TELO2: variants seen among roughly 807,000 people sequenced by gnomAD.
TELO2 encodes the protein telomere length regulation protein TEL2 homolog.
TELO2 carries 71 observed loss-of-function variants against 91.0 expected under a neutral mutation model. That is an observed-to-expected ratio of 0.78 (90% CI 0.64 to 0.95). The LOEUF is 0.95. TELO2 is among the 40% of genes least tolerant of loss of function. TELO2 has a pLI of 0.00. For synonymous variants in TELO2, 584 were observed against 518.9 expected, an observed-to-expected ratio of 1.13 and a Z score of -1.71; for missense variants, 1,183 against 1,141.3, an observed-to-expected ratio of 1.04 and a Z score of -0.53.
chr16:1,494,390 C>T lies in TELO2; in HGVS notation c.109C>T (p.Arg37Trp), dbSNP rs1466279011. The part of the protein sequence containing the change: ...HIFCTLESLK[R>W]YLGEMEPPAL... ...CTTCTGCACCCTGGAGTCCCTGAAG[C>T]GGTATCTCGGTGAGATGGAGCCTCC... The change falls in exon 2 of 21, where the codon CGG (arginine) becomes TGG (tryptophan). Residue 37 changes from arginine to tryptophan, a missense_variant. Coordinates refer to ENST00000262319, the MANE Select transcript of TELO2 (RefSeq NM_016111.4). This position sits in a 1 kb window ranked among gnomAD's most constrained non-coding sequence, Gnocchi z 5.6. 5.0e-5 allele frequency: 80 copies of T among 1,613,450 alleles called. 1 individual carries two copies. Among genetic ancestry groups the T allele is most frequent in the Non-Finnish European group, 6.4e-5 (75 of 1,180,002 alleles).
At chr16:1,506,084 T>G in intron 16 of TELO2, 154 bp from the exon 17 acceptor site, 3 of 773,544 alleles carry the variant, frequency 3.9e-6, no homozygotes, top group Non-Finnish European at 6.2e-6. Flanking sequence ...ACCAACCCCA[T>G]GGGGCCTGGG....
rs1363926087 is a variant in TELO2, at chr16:1,509,846, C to T, written c.2424C>T (p.Asp808=). The change falls in exon 21 of 21, where the codon GAC becomes GAT. Residue 808 remains aspartate, a synonymous_variant. Coordinates refer to ENST00000262319, the MANE Select transcript of TELO2 (RefSeq NM_016111.4). ...GTCTGGCAGACGTGGCTGAGAAAGA[C>T]CCGGACGAGGACTGCAGGACGCTGG... ...RSWLADVAEK[D]PDEDCRTLAL... 1 of 1,612,256 alleles carries T rather than the reference C, an allele frequency of 6.2e-7. No individual in the cohort carries two copies. The highest frequency in any genetic ancestry group is 8.5e-7 in the Non-Finnish European group (1 of 1,179,698).
rs1420468505 is a variant in TELO2, at chr16:1,505,440, A to C, written c.1873A>C (p.Arg625=). 1.2e-6 allele frequency: 2 copies of C among 1,612,870 alleles called. No individual in the cohort carries two copies. The highest frequency in any genetic ancestry group is 1.3e-5 in the African/African-American group (1 of 74,924). Residue 625 remains arginine, a synonymous_variant, in exon 16 of 21, where the codon AGG becomes CGG. Coordinates refer to ENST00000262319, the MANE Select transcript of TELO2 (RefSeq NM_016111.4). This position sits in a 1 kb window ranked among gnomAD's most constrained non-coding sequence, Gnocchi z 4.3. ...GACTCTGGCTGCCCAGGAGCTGTCTAGGCCTGGGTGCCTCGGGAGGACTCC... is the reference window on the plus strand; with the variant it reads ...GACTCTGGCTGCCCAGGAGCTGTCTCGGCCTGGGTGCCTCGGGAGGACTCC... The part of the protein sequence containing the change: ...VLTLAAQELS[R]PGCLGRTPQP...
chr16:1,496,559 C>T (rs1174037396), intron 3 of TELO2, among the ~76,000 whole-genome samples: 3 of 152,336 alleles, frequency 2.0e-5, no homozygotes, highest in Admixed American at 6.5e-5. Flanking sequence ...CTGTGCTTTC[C>T]GCTGCCCCGC....
chr16:1,504,774 G>A (rs2039830068), intron 15 of TELO2, among the ~76,000 whole-genome samples: 1 of 151,782 alleles, frequency 6.6e-6, no homozygotes, highest in Non-Finnish European at 1.5e-5. Flanking sequence ...AGCCAGGATG[G>A]TCTCAATCTC....
rs1206176670 is a variant in TELO2, at chr16:1,507,180, G to T, written c.2227-126G>T. 2.0e-6 allele frequency: 3 copies of T among 1,490,972 alleles called. No individual in the cohort carries two copies. In the East Asian group the frequency reaches 7.2e-5, roughly 36 times the overall value. 92.4% of individuals were successfully genotyped at this position (1,490,972 alleles called of 1,614,324 possible). On this transcript the variant is annotated intron_variant, in intron 18 of 20. Transcript: ENST00000262319. ...GCCTGTGTGGGCCCCCGGGCAGCGG[G>T]AGCATCCCCTCGGCTGTCAGGCAGG... is the stretch of plus-strand genomic sequence containing the variant.
Position 1,502,918 on chromosome 16 carries a change from C to G in TELO2, c.1771-13C>G. The G allele has an allele frequency of 6.2e-7, 1 of 1,610,336 alleles. No homozygotes were observed. Among genetic ancestry groups the G allele is most frequent in the Non-Finnish European group, 8.5e-7 (1 of 1,179,990 alleles). ...GGTCCCGGACCACAGCAGCCTCTCCCCTGTGTCCTCAGGTGGCCGACTATC... is the reference window on the plus strand; with the variant it reads ...GGTCCCGGACCACAGCAGCCTCTCCGCTGTGTCCTCAGGTGGCCGACTATC... On this transcript the variant is annotated splice_polypyrimidine_tract_variant and intron_variant, in intron 14 of 20. Transcript: ENST00000262319.
chr16:1,507,776 G>A (rs1269414662), intron 20 of TELO2, 60 bp downstream of exon 20: 12 of 1,247,374 alleles, frequency 9.6e-6, no homozygotes, highest in Non-Finnish European at 1.3e-5. Context: ...GTGTGTGTAT[G>A]TGTGTGTGTG....
chr16:1,508,830 C>G (rs2040007105), intron 20 of TELO2, among the ~76,000 whole-genome samples: 1 of 152,208 alleles, frequency 6.6e-6, no homozygotes, highest in Non-Finnish European at 1.5e-5. Context: ...TGCCCTGTCC[C>G]TTCCCAGGAC....
Position 1,502,728 on chromosome 16 carries a change from C to T in TELO2, c.1737C>T (p.Ala579=), listed in dbSNP as rs770159708. The change falls in exon 14 of 21, where the codon GCC becomes GCT. Residue 579 remains alanine (A), a synonymous_variant. Transcript: ENST00000262319. ...VVGFAGLRQR[A]LVAVTVTDPA... is the part of the protein sequence containing the mutation. ...GATTTGCAGGGCTGCGCCAGAGAGC[C>T]CTGGTGGCCGTCACGGTCACAGACC... 2 of 1,612,518 alleles carry T rather than the reference C, an allele frequency of 1.2e-6. No homozygotes were observed. The highest frequency in any genetic ancestry group is 1.1e-5 in the South Asian group (1 of 91,078).
Position 1,502,692 on chromosome 16 carries a change from C to CT in TELO2, c.1702dup (p.Cys568LeufsTer58), listed in dbSNP as rs1567301654. The CT allele has an allele frequency of 6.2e-7, 1 of 1,612,788 alleles. No homozygotes were observed. The highest frequency in any genetic ancestry group is 8.5e-7 in the Non-Finnish European group (1 of 1,179,888). ...TGCTTCTGCATCTGGAGGAGAAGAC[C>CT]TGTGTGGTGGGATTTGCAGGGCTGC... On this transcript the variant is annotated frameshift_variant, in exon 14 of 21. Coordinates refer to ENST00000262319, the MANE Select transcript of TELO2 (RefSeq NM_016111.4). LOFTEE classifies it high-confidence loss of function.
chr16:1,499,475 G>T (rs2039600648), intron 6 of TELO2, 142 bp downstream of exon 6: 4 of 843,104 alleles, frequency 4.7e-6, no homozygotes, highest in Non-Finnish European at 5.8e-6. Flanking sequence ...TGGCGAGGCG[G>T]TGGGTGCCTC....
At chr16:1,499,136 G>T in intron 5 of TELO2, 95 bp from the exon 6 acceptor site, 1 of 1,315,368 alleles carries the variant, frequency 7.6e-7, no homozygotes, top group South Asian at 1.2e-5. Flanking sequence ...CAGGCCGGGA[G>T]TCAGGCCGCC....
rs28646174 is a variant in TELO2, at chr16:1,497,998, A to G, written c.830+490A>G. Among the ~76,000 whole-genome samples, 23,698 of 151,462 alleles carry G rather than the reference A, an allele frequency of 0.16. 3,328 individuals are homozygous for G. Among genetic ancestry groups the G allele is most frequent in the African/African-American group, 0.38 (15,543 of 41,246 alleles). On this transcript the variant is annotated intron_variant, in intron 5 of 20. Coordinates refer to ENST00000262319, the MANE Select transcript of TELO2 (RefSeq NM_016111.4). This position sits in a 1 kb window ranked among gnomAD's most constrained non-coding sequence, Gnocchi z 4.0. ...GCAAGGACATACCTGTCTCTGCCCA[A>G]AGTATTTCCTCCTCTTTTTTTTTTT...
rs201399424 is a variant in TELO2 at position 1,495,612 on chromosome 16, A to G, written c.602A>G (p.Asp201Gly). Residue 201 changes from aspartate to glycine, a missense_variant, in exon 3 of 21, where the codon GAC becomes GGC. Transcript: ENST00000262319. ...EVVRVLQAVVDSLQGGLDSSV... is the reference protein window; with the variant it reads ...EVVRVLQAVVGSLQGGLDSSV... ...GTCCGGGTGCTGCAGGCGGTTGTGG[A>G]CTCTCTCCAAGGTGAGGCCCTGCCT... The G allele has an allele frequency of 2.0e-5, 32 of 1,598,758 alleles. No individual in the cohort carries two copies. In the East Asian group the frequency reaches 2.2e-4, roughly 11 times the overall value.
chr16:1,495,585 T>C lies in TELO2; in HGVS notation c.575T>C (p.Val192Ala). 6.2e-7 allele frequency: 1 copy of C among 1,607,564 alleles called. No individual in the cohort carries two copies. Among genetic ancestry groups the C allele is most frequent in the Non-Finnish European group, 8.5e-7 (1 of 1,176,248 alleles). Residue 192 changes from valine to alanine, a missense_variant, in exon 3 of 21, where the codon GTC (valine) becomes GCC (alanine). Transcript: ENST00000262319. ...QNYFRLLGEE[V>A]VRVLQAVVDS... ...TACTTCCGCCTGCTCGGCGAGGAGG[T>C]CGTCCGGGTGCTGCAGGCGGTTGTG...
At position 1,505,668 on chromosome 16, in the gene TELO2, C is replaced by T. The variant is rs2039867773; in HGVS notation, c.2034+67C>T. The T allele has an allele frequency of 3.3e-6, 5 of 1,525,284 alleles. No homozygotes were observed. Among genetic ancestry groups the T allele is most frequent in the Non-Finnish European group, 4.4e-6 (5 of 1,132,436 alleles). The allele number at this position is 1,525,284 out of a possible 1,614,324, so 94.5% of individuals were successfully genotyped here. On this transcript the variant is annotated intron_variant, in intron 16 of 20. Transcript: ENST00000262319. This position sits in a 1 kb window ranked among gnomAD's most constrained non-coding sequence, Gnocchi z 4.3. Reference sequence around the variant, plus strand: ...TGGGTGGGTGGGAAGGGCGGTCAGACACCTCCAGGCGCTGTCTGCAGCGAG... The same window carrying T: ...TGGGTGGGTGGGAAGGGCGGTCAGATACCTCCAGGCGCTGTCTGCAGCGAG...
At chr16:1,501,176 G>A (rs76255165) in intron 9 of TELO2, among the ~76,000 whole-genome samples, 1,904 of 152,356 alleles carry the variant, frequency 0.012, 45 homozygotes, top group African/African-American at 0.043. Flanking sequence ...TGGCCTTGGG[G>A]GAGGCCCAGC....
intron 20 of TELO2, 57 bp from the exon 21 acceptor site, chr16:1,509,773 G>A (rs2040065594): frequency 2.0e-6 from 3 of 1,490,028 alleles, no homozygotes; most frequent in Admixed American, 1.9e-5. Context: ...AAGACAGGAG[G>A]AGGGAGAATA....
Sources: allele counts gnomAD v4.1 joint callset (sites outside exome capture counted in the v4.1 genomes callset), GRCh38; gene constraint gnomAD v4.1.1; non-coding constraint Gnocchi (gnomAD v3.1); transcripts MANE v1.5; gene names NCBI Gene and HGNC (gene_info 2026-07-23, HGNC 2026-07-21).